TSHZ2: variants seen among roughly 807,000 people sequenced by gnomAD.
The protein encoded by TSHZ2 is teashirt homolog 2.
Under a neutral mutation model 74.4 loss-of-function variants are expected in TSHZ2, and 21 were observed. The ratio of observed to expected loss-of-function variants is 0.28; its 90% CI spans 0.20 to 0.41. The LOEUF is 0.41. Ranked by LOEUF, TSHZ2 falls within the 10% of genes least tolerant of loss-of-function variation. TSHZ2 has a pLI of 1.00. For missense variants in TSHZ2, 1,244 were observed against 1,293.5 expected, an observed-to-expected ratio of 0.96 and a Z score of 0.59; for synonymous variants, 540 against 515.3, an observed-to-expected ratio of 1.05 and a Z score of -0.65.
At chr20:53,122,391 AGTTGAGTAT>A (rs1986836307) in intron 1 of TSHZ2, among the ~76,000 whole-genome samples, 1 of 152,140 alleles carries the variant, frequency 6.6e-6, no homozygotes, top group African/African-American at 2.4e-5. Flanking sequence ...AGTAGCATCT[AGTTGAGTAT>A]GTTTTAGGAC....
intron 1 of TSHZ2, among the ~76,000 whole-genome samples, chr20:53,148,561 A>C (rs367928080): frequency 1.1e-4 from 17 of 152,200 alleles, no homozygotes; most frequent in African/African-American, 3.9e-4. Context: ...GAGTTTGCCT[A>C]TTAAATCAGG....
At chr20:53,294,481 AAGAG>A (rs568969397) in intron 2 of TSHZ2, among the ~76,000 whole-genome samples, 25 of 151,958 alleles carry the variant, frequency 1.6e-4, no homozygotes, top group Non-Finnish European at 2.6e-4. Context: ...ATAAAAAAAA[AAGAG>A]AGAGAGAGAG....
At chr20:53,039,150 C>T (rs1477422317) in intron 1 of TSHZ2, among the ~76,000 whole-genome samples, 1 of 151,930 alleles carries the variant, frequency 6.6e-6, no homozygotes, top group East Asian at 1.9e-4. Context: ...CCTCCCTACA[C>T]TTTTCATTCC....
intron 2 of TSHZ2, among the ~76,000 whole-genome samples, chr20:53,274,552 A>G (rs1362980115): frequency 1.3e-5 from 2 of 152,216 alleles, no homozygotes; most frequent in African/African-American, 4.8e-5. Flanking sequence ...AATCTTGCGT[A>G]ATTATTCAGT....
intron 1 of TSHZ2, among the ~76,000 whole-genome samples, chr20:53,161,154 T>G (rs865799742): frequency 1.8e-4 from 11 of 60,870 alleles, no homozygotes; most frequent in South Asian, 5.5e-4. Context: ...AAAAAAAAAA[T>G]AGGAGGTAAT....
chr20:52,992,613 A>G (rs1302401837), intron 1 of TSHZ2, among the ~76,000 whole-genome samples: 1 of 152,192 alleles, frequency 6.6e-6, no homozygotes, highest in East Asian at 1.9e-4. Flanking sequence ...GGGGAAAAAA[A>G]TCTTCATAAT....
At chr20:53,118,085 C>T (rs568743768) in intron 1 of TSHZ2, among the ~76,000 whole-genome samples, 8 of 152,258 alleles carry the variant, frequency 5.3e-5, no homozygotes, top group South Asian at 4.2e-4. Context: ...ACTGTTTGAT[C>T]GGCATGCTTA....
intron 1 of TSHZ2, among the ~76,000 whole-genome samples, chr20:52,998,547 A>G (rs1568712185): frequency 6.6e-6 from 1 of 152,118 alleles, no homozygotes; most frequent in Non-Finnish European, 1.5e-5. Flanking sequence ...GCTCAGGGAA[A>G]CCTTGCCTCA....
chr20:53,478,638 T>G (rs548634343), intron 2 of TSHZ2, among the ~76,000 whole-genome samples: 2 of 151,596 alleles, frequency 1.3e-5, no homozygotes, highest in East Asian at 3.9e-4. Context: ...AATGTGCACA[T>G]GTACCCTAAA....
chr20:52,990,525 C>A (rs1302159032), intron 1 of TSHZ2, among the ~76,000 whole-genome samples: 2 of 152,110 alleles, frequency 1.3e-5, no homozygotes, highest in African/African-American at 4.8e-5. Context: ...TCACACTTGT[C>A]CTCAGTGTTT....
At chr20:53,414,732 A>C (rs1244416590) in intron 2 of TSHZ2, among the ~76,000 whole-genome samples, 1 of 152,240 alleles carries the variant, frequency 6.6e-6, no homozygotes, top group Non-Finnish European at 1.5e-5. Flanking sequence ...ATAGCACTAG[A>C]CTTAAACCAA....
At chr20:52,978,688 A>C (rs1981443447) in intron 1 of TSHZ2, among the ~76,000 whole-genome samples, 2 of 152,188 alleles carry the variant, frequency 1.3e-5, no homozygotes, top group Non-Finnish European at 2.9e-5. Flanking sequence ...AATCAAACTG[A>C]ACGACTTTTA....
At position 53,394,791 on chromosome 20, in the gene TSHZ2, A is replaced by G. The variant is rs118173470; in HGVS notation, c.*9-92353A>G. Among the ~76,000 whole-genome samples the G allele has an allele frequency of 1.3e-4, 17 of 135,414 alleles. No individual in the cohort carries two copies. In the East Asian group the frequency reaches 3.8e-3, roughly 30 times the overall value. 88.8% of individuals were successfully genotyped at this position (135,414 alleles called of 152,430 possible). On this transcript the variant is annotated intron_variant, in intron 2 of 2. Coordinates refer to ENST00000371497, the MANE Select transcript of TSHZ2 (RefSeq NM_173485.6). Reference sequence around the variant, plus strand: ...AAAAAAAAAAAAAAACTGTTCTTCAATTGCCTTTACCTATCTGATTCTCTC... The same window carrying G: ...AAAAAAAAAAAAAAACTGTTCTTCAGTTGCCTTTACCTATCTGATTCTCTC...
rs545976423 is a variant in TSHZ2 at position 53,108,468 on chromosome 20, G to A, written c.40+135135G>A. On this transcript the variant is annotated intron_variant, in intron 1 of 2. Coordinates refer to ENST00000371497, the MANE Select transcript of TSHZ2 (RefSeq NM_173485.6). ...GTTTTTACAATTATAGCTGGAAGAC[G>A]GTACGTGTTACCCTCAACACAAAGG... 2.4e-3 allele frequency among the ~76,000 whole-genome samples: 361 copies of A among 152,288 alleles called. 1 individual carries two copies. Among genetic ancestry groups the A allele is most frequent in the Non-Finnish European group, 4.5e-3 (308 of 68,034 alleles).
chr20:53,061,158 T>G (rs1484978400), intron 1 of TSHZ2, among the ~76,000 whole-genome samples: 3 of 152,186 alleles, frequency 2.0e-5, no homozygotes, highest in Non-Finnish European at 4.4e-5. Flanking sequence ...ACCCTGAACG[T>G]TTTTTGAAGC....
intron 2 of TSHZ2, among the ~76,000 whole-genome samples, chr20:53,480,372 C>G (rs1467892238): frequency 6.6e-6 from 1 of 151,398 alleles, no homozygotes; most frequent in Non-Finnish European, 1.5e-5. Context: ...CCCAGCCAAC[C>G]CAGGTGTTTT....
intron 1 of TSHZ2, chr20:53,196,192 A>G (rs1418955433): frequency 6.6e-6 from 1 of 152,032 alleles, no homozygotes; most frequent in East Asian, 1.9e-4. Flanking sequence ...ACAATAAGGA[A>G]GCAAGTTGTT....
rs186982339 is a variant in TSHZ2, at chr20:53,375,936, G to T, written c.*9-111208G>T. On this transcript the variant is annotated intron_variant, in intron 2 of 2. Coordinates refer to ENST00000371497, the MANE Select transcript of TSHZ2 (RefSeq NM_173485.6). ...AACTGTGAATCTCATACTCTAACAGGATAGGAAATACTTATCAGATAAATA... is the reference window on the plus strand; with the variant it reads ...AACTGTGAATCTCATACTCTAACAGTATAGGAAATACTTATCAGATAAATA... Among the ~76,000 whole-genome samples the T allele has an allele frequency of 1.2e-4, 19 of 152,226 alleles. No homozygotes were observed. The East Asian group carries it at 2.7e-3, about 22-fold the overall frequency.
At chr20:52,995,870 C>A (rs542124708) in intron 1 of TSHZ2, among the ~76,000 whole-genome samples, 45 of 152,168 alleles carry the variant, frequency 3.0e-4, no homozygotes, top group Non-Finnish European at 5.9e-4. Flanking sequence ...AATCCACCCA[C>A]CTCGGCCTCC....
Sources: allele counts gnomAD v4.1 joint callset (sites outside exome capture counted in the v4.1 genomes callset), GRCh38; gene constraint gnomAD v4.1.1; transcripts MANE v1.5; gene names NCBI Gene and HGNC (gene_info 2026-07-23, HGNC 2026-07-21).